CLYBL: variants seen among roughly 807,000 people sequenced by gnomAD.
CLYBL encodes the protein citramalyl-CoA lyase, also known as citramalyl-CoA lyase, mitochondrial.
A neutral mutation model predicts 38.9 loss-of-function variants in CLYBL; 31 were observed. The ratio of observed to expected loss-of-function variants is 0.80; its 90% CI spans 0.60 to 1.08. The LOEUF (loss-of-function observed/expected upper bound fraction) is 1.08. Among genes scored for constraint, CLYBL ranks in the 50% least tolerant of loss-of-function variants. The pLI is 0.00. For missense variants in CLYBL, 434 were observed against 411.6 expected, an observed-to-expected ratio of 1.05 and a Z score of -0.47; for synonymous variants, 171 against 158.6, an observed-to-expected ratio of 1.08 and a Z score of -0.59.
intron 1 of CLYBL, among the ~76,000 whole-genome samples, chr13:99,669,699 GT>G (rs2047536552): frequency 6.6e-6 from 1 of 152,124 alleles, no homozygotes; most frequent in South Asian, 2.1e-4. Context: ...TTTAAGAGCT[GT>G]TACTCACAAC....
intron 1 of CLYBL, among the ~76,000 whole-genome samples, chr13:99,706,286 A>G (rs947322339): frequency 6.6e-6 from 1 of 152,198 alleles, no homozygotes; most frequent in Non-Finnish European, 1.5e-5. Context: ...TGGGAAGGAT[A>G]TAAAATGCCC....
chr13:99,857,146 C>T (rs916130379), intron 2 of CLYBL, among the ~76,000 whole-genome samples: 1 of 151,756 alleles, frequency 6.6e-6, no homozygotes, highest in African/African-American at 2.4e-5. Flanking sequence ...GAAACCCTGT[C>T]TCTACTAAAA....
At chr13:99,738,664 A>G (rs1461600616) in intron 1 of CLYBL, among the ~76,000 whole-genome samples, 1 of 152,218 alleles carries the variant, frequency 6.6e-6, no homozygotes, top group East Asian at 1.9e-4. Flanking sequence ...CTGATTGTAC[A>G]TGGTAAAAAA....
exon 10 of CLYBL, among the ~76,000 whole-genome samples, chr13:99,908,497 C>G (rs1349569456): frequency 6.6e-6 from 1 of 152,228 alleles, no homozygotes; most frequent in African/African-American, 2.4e-5. Context: ...GATCATTCTT[C>G]CATCAGCTCT....
At position 99,858,974 on chromosome 13, in the gene CLYBL, G is replaced by C; in HGVS notation, c.363G>C (p.Glu121Asp). 6.2e-7 allele frequency: 1 copy of C among 1,614,092 alleles called. No homozygotes were observed. Among genetic ancestry groups the C allele is most frequent in the Non-Finnish European group, 8.5e-7 (1 of 1,180,006 alleles). The change falls in exon 3 of 9, where the codon GAG (glutamate) becomes GAC (aspartate). Residue 121 changes from glutamate (E) to aspartate (D), a missense_variant. Transcript: ENST00000339105. ...GTGGTCTGGCGGAAGAAGACCTAGA[G>C]ACCCTTTTGCAATCCCGGGTCCTTC... ...VSSGLAEEDL[E>D]TLLQSRVLPS...
In CLYBL at chr13:99,871,050, A is replaced by G; in HGVS notation, c.915A>G (p.Gln305=). Residue 305 remains glutamine (Q), a synonymous_variant, in exon 7 of 9, where the codon CAA becomes CAG. Transcript: ENST00000339105. ...TGATTGCTGCCTTTAAAGAACATCA[A>G]CAATTAGGAAAGGTAAATGTTTTGT... ...EELIAAFKEH[Q]QLGKGAFTFQ... 1 of 1,614,048 alleles carries G rather than the reference A, an allele frequency of 6.2e-7. No individual in the cohort carries two copies. The highest frequency in any genetic ancestry group is 8.5e-7 in the Non-Finnish European group (1 of 1,179,928).
chr13:99,708,390 C>T (rs551037719), intron 1 of CLYBL, among the ~76,000 whole-genome samples: 3 of 152,312 alleles, frequency 2.0e-5, no homozygotes, highest in South Asian at 4.1e-4. Flanking sequence ...CACTCACTCA[C>T]TTGGCCATTT....
At chr13:99,795,169 A>C (rs1358637066) in intron 2 of CLYBL, among the ~76,000 whole-genome samples, 1 of 152,174 alleles carries the variant, frequency 6.6e-6, no homozygotes, top group African/African-American at 2.4e-5. Context: ...CTGCCCTTCT[A>C]CTAAAAATGT....
intron 1 of CLYBL, among the ~76,000 whole-genome samples, chr13:99,636,391 T>C (rs2047018316): frequency 6.6e-6 from 1 of 152,214 alleles, no homozygotes; most frequent in South Asian, 2.1e-4. Context: ...TAGCTCCTGA[T>C]GCTTGAAAAC....
chr13:99,794,726 G>C (rs987312051), intron 2 of CLYBL, among the ~76,000 whole-genome samples: 30 of 151,758 alleles, frequency 2.0e-4, no homozygotes, highest in Admixed American at 1.1e-3. Flanking sequence ...CGAGTAGTTG[G>C]GATTACAGGC....
downstream of CLYBL, among the ~76,000 whole-genome samples, chr13:99,901,645 G>GGTTTT (rs2052644322): frequency 7.9e-6 from 1 of 127,196 alleles, no homozygotes; most frequent in African/African-American, 3.1e-5. Context: ...GGATTTTTTT[G>GGTTTT]TTTTTTTTTT....
chr13:99,766,338 A>T (rs1322440508), intron 1 of CLYBL, among the ~76,000 whole-genome samples: 1 of 151,996 alleles, frequency 6.6e-6, no homozygotes, highest in African/African-American at 2.4e-5. Flanking sequence ...CTGCAAACAT[A>T]TTTCTCCATT....
At chr13:99,626,097 A>G (rs1247351103) in intron 1 of CLYBL, among the ~76,000 whole-genome samples, 4 of 152,204 alleles carry the variant, frequency 2.6e-5, no homozygotes, top group African/African-American at 9.7e-5. Context: ...ACTGAAACGA[A>G]GATGCCATGG....
intron 7 of CLYBL, among the ~76,000 whole-genome samples, chr13:99,880,068 ATTT>A (rs1555324345): frequency 1.8e-4 from 18 of 101,186 alleles, no homozygotes; most frequent in African/African-American, 6.1e-4. Context: ...ATATATATAT[ATTT>A]TTTTTTTTTT....
At chr13:99,883,016 C>A (rs1392882052) in intron 7 of CLYBL, among the ~76,000 whole-genome samples, 1 of 152,160 alleles carries the variant, frequency 6.6e-6, no homozygotes, top group South Asian at 2.1e-4. Context: ...TCGTTGGATC[C>A]TCGGACCACC....
intron 2 of CLYBL, among the ~76,000 whole-genome samples, chr13:99,844,746 G>A (rs1448037802): frequency 6.6e-6 from 1 of 152,044 alleles, no homozygotes; most frequent in African/African-American, 2.4e-5. Context: ...CTCATCTCGG[G>A]TCTACACTGT....
chr13:99,906,416 C>G (rs1687825234), intron 9 of CLYBL, among the ~76,000 whole-genome samples: 1 of 139,360 alleles, frequency 7.2e-6, no homozygotes, highest in Non-Finnish European at 1.5e-5. Context: ...TGAAGGACCC[C>G]CAGAGCTTTT....
intron 1 of CLYBL, among the ~76,000 whole-genome samples, chr13:99,632,059 G>C (rs1334975525): frequency 6.6e-6 from 1 of 152,162 alleles, no homozygotes; most frequent in African/African-American, 2.4e-5. Flanking sequence ...TAATTAAGTG[G>C]CCAAAAGCCG....
chr13:99,617,933 T>A (rs2046737535), intron 1 of CLYBL, among the ~76,000 whole-genome samples: 1 of 152,156 alleles, frequency 6.6e-6, no homozygotes, highest in South Asian at 2.1e-4. Context: ...CTGTACAACA[T>A]AGCCTCCACC....
Sources: gnomAD v4.1 joint callset for allele counts (sites outside exome capture counted in the v4.1 genomes callset) on GRCh38, gnomAD v4.1.1 for gene constraint, MANE v1.5 for transcripts, NCBI Gene and HGNC (gene_info 2026-07-23, HGNC 2026-07-21) for gene names.